Variants in BACH2 observed in about 807,000 individuals in gnomAD.
BACH2 encodes the protein transcription regulator protein BACH2.
A neutral mutation model predicts 61.8 loss-of-function variants in BACH2; 5 were observed. The ratio of observed to expected loss-of-function variants is 0.08; its 90% CI spans 0.04 to 0.17. The LOEUF (loss-of-function observed/expected upper bound fraction) is 0.17. Ranked by LOEUF, BACH2 falls within the 10% of genes least tolerant of loss-of-function variation. The pLI is 1.00. For missense variants in BACH2, 824 were observed against 1,091.1 expected, an observed-to-expected ratio of 0.76 and a Z score of 3.45; for synonymous variants, 446 against 440.1, an observed-to-expected ratio of 1.01 and a Z score of -0.17.
At position 89,950,166 on chromosome 6, in the gene BACH2, T is replaced by C; in HGVS notation, c.1836+104A>G. Reference sequence around the variant, plus strand: ...GCAGTCTCTCTACTGTCATCTTTAATCTTAGCACGTAAGAACAATGTGGGA... The same window carrying C: ...GCAGTCTCTCTACTGTCATCTTTAACCTTAGCACGTAAGAACAATGTGGGA... On this transcript the variant is annotated intron_variant, in intron 7 of 8. Transcript: ENST00000257749. This position sits in a 1 kb window ranked among gnomAD's most constrained non-coding sequence, Gnocchi z 5.3. 7.4e-7 allele frequency: 1 copy of C among 1,346,494 alleles called. No individual in the cohort carries two copies. The highest frequency in any genetic ancestry group is 2.3e-5 in the East Asian group (1 of 43,578). The allele number at this position is 1,346,494 out of a possible 1,614,324, so 83.4% of individuals were successfully genotyped here.
intron 5 of BACH2, among the ~76,000 whole-genome samples, chr6:90,054,310 G>T (rs984980406): frequency 6.6e-6 from 1 of 152,224 alleles, no homozygotes; most frequent in Non-Finnish European, 1.5e-5. Context: ...TGGCACACCA[G>T]GAGATTATAT....
rs1774062697 is a variant in BACH2, at chr6:89,951,010, T to C, written c.1096A>G (p.Arg366Gly). Residue 366 changes from arginine (R) to glycine (G), a missense_variant, in exon 7 of 9, where the codon AGG (arginine) becomes GGG (glycine). Transcript: ENST00000257749. The surrounding 1 kb of genome is among the most constrained non-coding windows in gnomAD (Gnocchi z 6.4). ...LPSTSQQHFARSPACPFDKGI... is the reference protein window; with the variant it reads ...LPSTSQQHFAGSPACPFDKGI... ...TTGTCAAAAGGGCAGGCTGGACTCCTGGCAAAGTGCTGCTGAGATGTACTG... is the reference window on the plus strand; with the variant it reads ...TTGTCAAAAGGGCAGGCTGGACTCCCGGCAAAGTGCTGCTGAGATGTACTG... 3 of 1,591,822 alleles carry C rather than the reference T, an allele frequency of 1.9e-6. No homozygotes were observed. Among genetic ancestry groups the C allele is most frequent in the Non-Finnish European group, 2.6e-6 (3 of 1,169,716 alleles).
intron 1 of BACH2, among the ~76,000 whole-genome samples, chr6:90,275,365 C>T (rs776657655): frequency 6.6e-6 from 1 of 152,292 alleles, no homozygotes; most frequent in Non-Finnish European, 1.5e-5. Flanking sequence ...CTCCCCCTAC[C>T]TGGGATGCTC....
chr6:89,951,872 AAACAGGGAAATCGCC>A lies in BACH2; in HGVS notation c.244-25_244-11del. ...AGCCCCTGGCTGTGACCTGCAAAACAAACAGGGAAATCGCCAACATTACCATCAGCACTGCTATTG... is the reference window on the plus strand; with the variant it reads ...AGCCCCTGGCTGTGACCTGCAAAACAAACATTACCATCAGCACTGCTATTG... On this transcript the variant is annotated splice_polypyrimidine_tract_variant and intron_variant, in intron 6 of 8. Coordinates refer to ENST00000257749, the MANE Select transcript of BACH2 (RefSeq NM_021813.4). The surrounding 1 kb of genome is among the most constrained non-coding windows in gnomAD (Gnocchi z 6.4). 1 of 1,604,754 alleles carries A rather than the reference AAACAGGGAAATCGCC, an allele frequency of 6.2e-7. No homozygotes were observed.
intron 4 of BACH2, among the ~76,000 whole-genome samples, chr6:90,125,549 T>C (rs1783813113): frequency 6.6e-6 from 1 of 152,214 alleles, no homozygotes; most frequent in African/African-American, 2.4e-5. Flanking sequence ...AACGTTCACA[T>C]CTTAGGAAAG....
At chr6:90,137,926 G>A (rs1303396313) in intron 4 of BACH2, among the ~76,000 whole-genome samples, 1 of 152,142 alleles carries the variant, frequency 6.6e-6, no homozygotes, top group Non-Finnish European at 1.5e-5. Flanking sequence ...TGTGATCAGA[G>A]CAAGTGATTT....
At chr6:90,129,151 T>C (rs1039738087) in intron 4 of BACH2, among the ~76,000 whole-genome samples, 3 of 152,084 alleles carry the variant, frequency 2.0e-5, no homozygotes, top group African/African-American at 7.2e-5. Context: ...CACACCAATA[T>C]GGCACATGTA....
intron 3 of BACH2, among the ~76,000 whole-genome samples, chr6:90,218,725 CG>C (rs1769631353): frequency 6.6e-6 from 1 of 151,974 alleles, no homozygotes; most frequent in East Asian, 1.9e-4. Context: ...TAAAAGGAAA[CG>C]GGCCGTGAAA....
chr6:90,083,647 T>C (rs61238776), intron 5 of BACH2, among the ~76,000 whole-genome samples: 6,763 of 152,272 alleles, frequency 0.044, 489 homozygotes, highest in African/African-American at 0.16. Context: ...TCACAACTTT[T>C]AGAGTGCTTA....
At chr6:90,289,685 C>T (rs1394593363) in intron 1 of BACH2, among the ~76,000 whole-genome samples, 1 of 151,982 alleles carries the variant, frequency 6.6e-6, no homozygotes, top group Non-Finnish European at 1.5e-5. Context: ...CAAACAAAAA[C>T]AAAAACAAAA....
At position 90,018,310 on chromosome 6, in the gene BACH2, TATTATC is replaced by T. The variant is rs892417461; in HGVS notation, c.-12-9460_-12-9455del. Among the ~76,000 whole-genome samples the T allele has an allele frequency of 5.3e-5, 8 of 152,350 alleles. 1 individual carries two copies. Among genetic ancestry groups the T allele is most frequent in the Admixed American group, 1.3e-4 (2 of 15,306 alleles). ...CTCTGCTACCTTGCTTTCTGAACTCTATTATCATCTTTCCAGACTCTTAGTGCTGTC... is the reference window on the plus strand; with the variant it reads ...CTCTGCTACCTTGCTTTCTGAACTCTATCTTTCCAGACTCTTAGTGCTGTC... On this transcript the variant is annotated intron_variant, in intron 5 of 8. Coordinates refer to ENST00000257749, the MANE Select transcript of BACH2 (RefSeq NM_021813.4).
chr6:90,219,073 GA>G (rs34688750), intron 3 of BACH2, among the ~76,000 whole-genome samples: 3 of 151,690 alleles, frequency 2.0e-5, no homozygotes, highest in East Asian at 1.9e-4. Context: ...GTAAAAAAAA[GA>G]AAAAAAATTG....
chr6:89,979,052 T>C (rs1775810259), intron 6 of BACH2, among the ~76,000 whole-genome samples: 1 of 152,192 alleles, frequency 6.6e-6, no homozygotes, highest in African/African-American at 2.4e-5. Flanking sequence ...AGTGTATGTT[T>C]CCTTGATACT....
chr6:90,090,178 T>C (rs1253619183), intron 4 of BACH2, among the ~76,000 whole-genome samples: 1 of 152,152 alleles, frequency 6.6e-6, no homozygotes. Flanking sequence ...ATTCAAAACA[T>C]GCTTTTGAAT....
At chr6:90,157,478 G>T (rs1010793420) in intron 4 of BACH2, among the ~76,000 whole-genome samples, 1 of 152,124 alleles carries the variant, frequency 6.6e-6, no homozygotes, top group Non-Finnish European at 1.5e-5. Flanking sequence ...TATTTTACAC[G>T]ACAGAGTTGC....
At chr6:90,067,651 G>C (rs117023048) in intron 5 of BACH2, among the ~76,000 whole-genome samples, 1 of 152,178 alleles carries the variant, frequency 6.6e-6, no homozygotes, top group African/African-American at 2.4e-5. Flanking sequence ...ACTATGAAAT[G>C]AGAACATAGA....
At chr6:90,166,385 C>G (rs965909640) in intron 4 of BACH2, among the ~76,000 whole-genome samples, 11 of 152,110 alleles carry the variant, frequency 7.2e-5, no homozygotes, top group Admixed American at 3.9e-4. Context: ...GAATGGCAAT[C>G]ATTAAAAAGT....
intron 1 of BACH2, among the ~76,000 whole-genome samples, chr6:90,295,687 C>A (rs527344639): frequency 7.0e-6 from 1 of 142,682 alleles, no homozygotes; most frequent in African/African-American, 2.9e-5. Flanking sequence ...GTGTGTGTTG[C>A]ACCTTGACTT....
At chr6:89,994,899 G>A (rs112393119) in intron 6 of BACH2, among the ~76,000 whole-genome samples, 15 of 152,122 alleles carry the variant, frequency 9.9e-5, no homozygotes, top group African/African-American at 3.1e-4. Context: ...CTTTGCACAC[G>A]TTCTCATGGC....
Sources: gnomAD v4.1 joint callset for allele counts (sites outside exome capture counted in the v4.1 genomes callset) on GRCh38, gnomAD v4.1.1 for gene constraint, Gnocchi (gnomAD v3.1) non-coding constraint, MANE v1.5 for transcripts, NCBI Gene and HGNC (gene_info 2026-07-23, HGNC 2026-07-21) for gene names.